The following ZNF730 variants were observed in gnomAD, a reference collection of about 807,000 sequenced individuals.
ZNF730 encodes the protein putative zinc finger protein 730.
In ZNF730, 12 loss-of-function variants were observed where a neutral mutation model predicts 12.6. That is an observed-to-expected ratio of 0.95 (90% confidence interval 0.61 to 1.54). ZNF730 has a LOEUF of 1.54. ZNF730 is among the 40% of genes most tolerant of loss of function. The pLI, the probability that ZNF730 is intolerant of heterozygous loss-of-function variation, is 0.00. For missense variants in ZNF730, 643 were observed against 583.5 expected, an observed-to-expected ratio of 1.10 and a Z score of -1.05; for synonymous variants, 194 against 195.8, an observed-to-expected ratio of 0.99 and a Z score of 0.08.
At chr19:23,139,594 G>A (rs895745344) in intron 3 of ZNF730, among the ~76,000 whole-genome samples, 3 of 151,810 alleles carry the variant, frequency 2.0e-5, no homozygotes, top group Non-Finnish European at 2.9e-5. Context: ...GCACGATCTC[G>A]GCTCCCTGCA....
intron 1 of ZNF730, chr19:23,128,119 G>C (rs773385676): frequency 1.1e-6 from 1 of 888,360 alleles, no homozygotes; most frequent in East Asian, 2.4e-5. Context: ...TGTAGGCCTT[G>C]CCAGAACTAC....
rs1419063002 is a variant in ZNF730, at chr19:23,146,237, G to C, written c.1193G>C (p.Cys398Ser). 1 of 1,613,168 alleles carries C rather than the reference G, an allele frequency of 6.2e-7. No homozygotes were observed. The highest frequency in any genetic ancestry group is 1.7e-5 in the Admixed American group (1 of 59,884). ...IIHTVEKFYK[C>S]EECGKAFSRI... ...CATACTGTAGAGAAATTTTACAAAT[G>C]TGAAGAATGTGGCAAAGCCTTTAGC... The change falls in exon 4 of 4, where the codon TGT becomes TCT. Residue 398 changes from cysteine (C) to serine (S), a missense_variant. Cys to Ser is a moderately radical substitution (Grantham distance 112). Coordinates refer to ENST00000597761, the MANE Select transcript of ZNF730 (RefSeq NM_001277403.2).
upstream of ZNF730, among the ~76,000 whole-genome samples, chr19:23,113,582 T>A (rs1970480544): frequency 6.6e-6 from 1 of 152,352 alleles, no homozygotes; most frequent in Non-Finnish European, 1.5e-5. Context: ...CATTCTGGAC[T>A]GAGCTTGTGC....
At chr19:23,138,568 T>G (rs1223745619) in intron 3 of ZNF730, among the ~76,000 whole-genome samples, 1 of 152,160 alleles carries the variant, frequency 6.6e-6, no homozygotes, top group Non-Finnish European at 1.5e-5. Context: ...AAGTTCAAAA[T>G]TCTCAGTGGG....
At chr19:23,077,145 T>C (rs1303513463) in intron 1 of ZNF730, among the ~76,000 whole-genome samples, 3 of 151,986 alleles carry the variant, frequency 2.0e-5, no homozygotes, top group Admixed American at 6.6e-5. Context: ...TGGGAACACA[T>C]GGACACAGAG....
At chr19:23,083,813 A>G (rs1970010498) in intron 1 of ZNF730, among the ~76,000 whole-genome samples, 1 of 152,116 alleles carries the variant, frequency 6.6e-6, no homozygotes, top group Admixed American at 6.5e-5. Context: ...AATTTTGAAT[A>G]TTAATTCCTT....
chr19:23,135,977 A>T lies in ZNF730; in HGVS notation c.160A>T (p.Thr54Ser). Residue 54 changes from threonine to serine, a missense_variant, in exon 3 of 4, where the codon ACC becomes TCC. Thr to Ser is a moderately conservative substitution (Grantham distance 58). Coordinates refer to ENST00000597761, the MANE Select transcript of ZNF730 (RefSeq NM_001277403.2). Reference protein sequence around the residue: ...GIAVSKPDLITCLEQEKEPWN... With the variant: ...GIAVSKPDLISCLEQEKEPWN... ...TGCTGTCTCAAAGCCAGACCTGATCACCTGTCTGGAGCAAGAAAAAGAGCC... is the reference window on the plus strand; with the variant it reads ...TGCTGTCTCAAAGCCAGACCTGATCTCCTGTCTGGAGCAAGAAAAAGAGCC... 1 of 1,609,750 alleles carries T rather than the reference A, an allele frequency of 6.2e-7. No homozygotes were observed. The highest frequency in any genetic ancestry group is 8.5e-7 in the Non-Finnish European group (1 of 1,178,012).
At position 23,145,562 on chromosome 19, in the gene ZNF730, T is replaced by A; in HGVS notation, c.518T>A (p.Phe173Tyr). ...HKIRHTSKKP[F>Y]KCKECGKLFC... is the part of the protein sequence containing the mutation. ...ATAAGACATACTTCGAAGAAACCTT[T>A]CAAATGTAAAGAATGTGGAAAATTA... Residue 173 changes from phenylalanine to tyrosine, a missense_variant, in exon 4 of 4, where the codon TTC (phenylalanine) becomes TAC (tyrosine). By Grantham distance (22) the Phe-to-Tyr change is conservative. Transcript: ENST00000597761. 1 of 1,548,740 alleles carries A rather than the reference T, an allele frequency of 6.5e-7. No individual in the cohort carries two copies. Among genetic ancestry groups the A allele is most frequent in the Non-Finnish European group, 8.7e-7 (1 of 1,148,040 alleles).
chr19:23,133,253 G>A (rs1294943430), intron 1 of ZNF730, among the ~76,000 whole-genome samples: 2 of 152,106 alleles, frequency 1.3e-5, no homozygotes, highest in Non-Finnish European at 2.9e-5. Flanking sequence ...AAGACTACAG[G>A]CTCTTCCAGT....
rs1337402391 is a variant in ZNF730 at position 23,146,897 on chromosome 19, GTTT to G, written c.*343_*345del. On this transcript the variant is annotated 3_prime_UTR_variant, in exon 4 of 4. Transcript: ENST00000597761. Reference sequence around the variant, plus strand: ...AGAGAGAAACTCTACAAACCTGAAAGTTTTAACAGTGCTTTTGACAACACCTCA... The same window carrying G: ...AGAGAGAAACTCTACAAACCTGAAAGTAACAGTGCTTTTGACAACACCTCA... The G allele has an allele frequency of 7.3e-6, 4 of 548,814 alleles. No individual in the cohort carries two copies. The highest frequency in any genetic ancestry group is 1.3e-5 in the Non-Finnish European group (4 of 305,070). The allele number at this position is 548,814 out of a possible 1,614,324, so 34.0% of individuals were successfully genotyped here.
intron 1 of ZNF730, among the ~76,000 whole-genome samples, chr19:23,081,109 G>A (rs1427413426): frequency 6.6e-6 from 1 of 151,136 alleles, no homozygotes; most frequent in African/African-American, 2.4e-5. Flanking sequence ...GCCTCCCAAA[G>A]TGCTGGGATT....
At chr19:23,085,468 G>GT (rs1970042668) in intron 1 of ZNF730, among the ~76,000 whole-genome samples, 1 of 142,002 alleles carries the variant, frequency 7.0e-6, no homozygotes, top group African/African-American at 2.7e-5. Context: ...AAAGTGCTGG[G>GT]ATTACAGGCA....
At chr19:23,137,967 C>A in intron 3 of ZNF730, among the ~76,000 whole-genome samples, 1 of 152,322 alleles carries the variant, frequency 6.6e-6, no homozygotes, top group African/African-American at 2.4e-5. Flanking sequence ...ATATGGTGGG[C>A]TTTATATCAA....
At chr19:23,102,049 T>A (rs562450624) in intron 1 of ZNF730, among the ~76,000 whole-genome samples, 1 of 152,306 alleles carries the variant, frequency 6.6e-6, no homozygotes, top group East Asian at 1.9e-4. Flanking sequence ...AAATAGAGGC[T>A]CCTCCCTGGG....
chr19:23,127,830 C>T (rs1207588114), intron 1 of ZNF730: 2 of 671,970 alleles, frequency 3.0e-6, no homozygotes, highest in African/African-American at 3.6e-5. Flanking sequence ...GTGTAACAAA[C>T]AAATATTGTC....
chr19:23,084,741 C>A (rs769396916), intron 1 of ZNF730, among the ~76,000 whole-genome samples: 1 of 152,134 alleles, frequency 6.6e-6, no homozygotes, highest in Non-Finnish European at 1.5e-5. Flanking sequence ...TGTTAGTTTG[C>A]TAGGGATAAT....
intron 1 of ZNF730, among the ~76,000 whole-genome samples, chr19:23,122,739 A>G (rs1599590695): frequency 6.6e-6 from 1 of 152,222 alleles, no homozygotes; most frequent in Admixed American, 6.5e-5. Flanking sequence ...CACACAAATT[A>G]ACATTTTGTA....
At chr19:23,130,033 G>A (rs933645217) in intron 1 of ZNF730, among the ~76,000 whole-genome samples, 8 of 151,444 alleles carry the variant, frequency 5.3e-5, no homozygotes, top group Admixed American at 5.3e-4. Flanking sequence ...CTGTTGGGAA[G>A]GTATGATTGG....
chr19:23,116,476 G>C (rs1031715804), upstream of ZNF730, among the ~76,000 whole-genome samples: 1 of 149,418 alleles, frequency 6.7e-6, no homozygotes, highest in African/African-American at 2.5e-5. Flanking sequence ...GTACGATCTC[G>C]GCTCATTGCA....
Sources: allele counts gnomAD v4.1 joint callset (sites outside exome capture counted in the v4.1 genomes callset), GRCh38; gene constraint gnomAD v4.1.1; transcripts MANE v1.5; gene names NCBI Gene and HGNC (gene_info 2026-07-23, HGNC 2026-07-21).